PCDH15: variants seen among roughly 807,000 people sequenced by gnomAD.
PCDH15 encodes protocadherin-15.
In PCDH15, 129 loss-of-function variants were observed where a neutral mutation model predicts 178.5. That is an observed-to-expected ratio of 0.72 (90% CI 0.63 to 0.84). The LOEUF (loss-of-function observed/expected upper bound fraction) is 0.84, where lower values mean the gene tolerates loss of function less well. Ranked by LOEUF, PCDH15 falls within the 40% of genes least tolerant of loss-of-function variation. The pLI, the probability that PCDH15 is intolerant of heterozygous loss-of-function variation, is 0.00. For missense variants in PCDH15, 2,230 were observed against 2,099.9 expected, an observed-to-expected ratio of 1.06 and a Z score of -1.21; for synonymous variants, 800 against 732.0, an observed-to-expected ratio of 1.09 and a Z score of -1.50.
At chr10:54,396,158 G>C (rs896914092) in intron 3 of PCDH15, among the ~76,000 whole-genome samples, 1 of 152,110 alleles carries the variant, frequency 6.6e-6, no homozygotes, top group African/African-American at 2.4e-5. Context: ...GACTGTTATG[G>C]GCCTGGAGAT....
chr10:54,212,524 T>G lies in PCDH15; in HGVS notation c.1098+1412A>C, dbSNP rs1483269190. Among the ~76,000 whole-genome samples, 3 of 152,122 alleles carry G rather than the reference T, an allele frequency of 2.0e-5. No homozygotes were observed. The East Asian group carries it at 5.8e-4, about 29-fold the overall frequency. ...ACTTTTATTCATTGACCATACTCTT[T>G]CAATCCAGCAACATTTAGCTTGGGG... On this transcript the variant is annotated intron_variant, in intron 10 of 37. Coordinates refer to ENST00000644397, the MANE Select transcript of PCDH15 (RefSeq NM_001384140.1).
At chr10:54,292,031 T>A (rs2059447660) in intron 8 of PCDH15, among the ~76,000 whole-genome samples, 1 of 152,104 alleles carries the variant, frequency 6.6e-6, no homozygotes, top group South Asian at 2.1e-4. Flanking sequence ...CAGAGAATTT[T>A]AAACCAATAT....
chr10:54,170,598 C>G (rs1462985119), intron 13 of PCDH15, among the ~76,000 whole-genome samples: 1 of 151,360 alleles, frequency 6.6e-6, no homozygotes, highest in African/African-American at 2.5e-5. Flanking sequence ...GTTCTTGACC[C>G]AGACTTCAAT....
At chr10:55,350,407 T>A (rs1266620170) in intron 2 of PCDH15, among the ~76,000 whole-genome samples, 1 of 151,392 alleles carries the variant, frequency 6.6e-6, no homozygotes, top group Non-Finnish European at 1.5e-5. Flanking sequence ...AATGACTAAT[T>A]TTCAAAATCC....
chr10:54,684,226 C>T (rs916961244), intron 1 of PCDH15, among the ~76,000 whole-genome samples: 2 of 151,610 alleles, frequency 1.3e-5, no homozygotes, highest in East Asian at 1.9e-4. Context: ...ATTTGTAATA[C>T]GAAGAGGTTG....
chr10:54,731,844 A>C (rs1271624788), intron 1 of PCDH15, among the ~76,000 whole-genome samples: 2 of 150,792 alleles, frequency 1.3e-5, no homozygotes, highest in African/African-American at 4.8e-5. Flanking sequence ...AATAGGCACA[A>C]ATATACAGTT....
intron 2 of PCDH15, among the ~76,000 whole-genome samples, chr10:55,004,814 T>C (rs535559711): frequency 1.3e-5 from 2 of 152,326 alleles, no homozygotes; most frequent in South Asian, 4.1e-4. Context: ...GGCATTTTGA[T>C]AACATCAGTT....
In PCDH15 at chr10:55,584,417, G is replaced by C. The variant is rs11816386; in HGVS notation, c.-156+43208C>G. Among the ~76,000 whole-genome samples the C allele has an allele frequency of 4.5e-3, 681 of 151,556 alleles. 7 individuals are homozygous for C. Among genetic ancestry groups the C allele is most frequent in the African/African-American group, 0.016 (652 of 41,328 alleles). ...CTTAAGCCTGTAATCCCAGCACGTT[G>C]AGAGACCGACCTGGGCAGATCACGA... On this transcript the variant is annotated intron_variant, in intron 2 of 5. Coordinates refer to the PCDH15 transcript ENST00000613346.
At chr10:54,251,825 AT>A (rs1394877441) in intron 8 of PCDH15, among the ~76,000 whole-genome samples, 2 of 151,696 alleles carry the variant, frequency 1.3e-5, no homozygotes, top group African/African-American at 2.4e-5. Flanking sequence ...TAATTATTTC[AT>A]TTTTCTTCTG....
At chr10:54,970,844 C>T (rs1838913685) in intron 2 of PCDH15, among the ~76,000 whole-genome samples, 1 of 152,142 alleles carries the variant, frequency 6.6e-6, no homozygotes, top group Non-Finnish European at 1.5e-5. Flanking sequence ...GGGTTTTAGA[C>T]TTCCTTGGGA....
chr10:54,277,617 T>A (rs1162852051), intron 8 of PCDH15, among the ~76,000 whole-genome samples: 1 of 151,690 alleles, frequency 6.6e-6, no homozygotes, highest in Non-Finnish European at 1.5e-5. Context: ...TACCCGAAAT[T>A]CAAATTTAAC....
At chr10:54,165,363 T>C (rs907358402) in intron 13 of PCDH15, among the ~76,000 whole-genome samples, 4 of 152,152 alleles carry the variant, frequency 2.6e-5, no homozygotes. Context: ...AATACTTATA[T>C]GAATAATTGT....
intron 2 of PCDH15, among the ~76,000 whole-genome samples, chr10:55,149,802 A>AT (rs753523736): frequency 4.3e-4 from 65 of 152,214 alleles, no homozygotes; most frequent in Non-Finnish European, 8.8e-4. Context: ...AGCCCCAGAA[A>AT]TTCTGACCAA....
intron 2 of PCDH15, among the ~76,000 whole-genome samples, chr10:54,929,489 A>G (rs1721668592): frequency 6.6e-6 from 1 of 152,140 alleles, no homozygotes; most frequent in Admixed American, 6.6e-5. Flanking sequence ...ATTACTATTA[A>G]TCATATAGTC....
chr10:54,038,740 C>A (rs1001661196), intron 18 of PCDH15, among the ~76,000 whole-genome samples: 1 of 151,964 alleles, frequency 6.6e-6, no homozygotes. Flanking sequence ...CAAGGGAGAT[C>A]TGCTTGGCAC....
At chr10:54,967,364 A>G (rs1838819469) in intron 2 of PCDH15, among the ~76,000 whole-genome samples, 2 of 152,184 alleles carry the variant, frequency 1.3e-5, no homozygotes, top group African/African-American at 4.8e-5. Context: ...CATCACCACC[A>G]TCAAGGTAAT....
chr10:55,238,628 GAC>G (rs1841457930), intron 1 of PCDH15, among the ~76,000 whole-genome samples: 1 of 152,012 alleles, frequency 6.6e-6, no homozygotes, highest in South Asian at 2.1e-4. Flanking sequence ...AAACAAAAGT[GAC>G]ACTTCTAAAT....
At chr10:54,344,976 A>AT (rs200291949) in intron 6 of PCDH15, among the ~76,000 whole-genome samples, 9,793 of 145,472 alleles carry the variant, frequency 0.067, 459 homozygotes, top group African/African-American at 0.12. Context: ...GTATATATAT[A>AT]TATTATATAT....
intron 13 of PCDH15, among the ~76,000 whole-genome samples, chr10:54,161,031 C>G (rs1031296944): frequency 6.6e-6 from 1 of 151,740 alleles, no homozygotes; most frequent in Admixed American, 6.6e-5. Flanking sequence ...ATATAACAAA[C>G]AGAAAAATAA....
Sources: gnomAD v4.1 joint callset for allele counts (sites outside exome capture counted in the v4.1 genomes callset) on GRCh38, gnomAD v4.1.1 for gene constraint, MANE v1.5 for transcripts, NCBI Gene and HGNC (gene_info 2026-07-23, HGNC 2026-07-21) for gene names.